The following SHISA9 variants were observed in gnomAD, a reference collection of about 807,000 sequenced individuals.
SHISA9 encodes shisa family member 9.
Under a neutral mutation model 38.0 loss-of-function variants are expected in SHISA9, and 13 were observed. That is an observed-to-expected ratio of 0.34 (90% CI 0.22 to 0.54). The LOEUF is 0.54. Among genes scored for constraint, SHISA9 ranks in the 20% least tolerant of loss-of-function variants. The probability of loss-of-function intolerance (pLI) is 0.91; values close to 1 mark genes in which losing one functional copy is unlikely to be tolerated. For synonymous variants in SHISA9, 275 were observed against 242.0 expected, an observed-to-expected ratio of 1.14 and a Z score of -1.27; for missense variants, 538 against 575.8, an observed-to-expected ratio of 0.93 and a Z score of 0.67.
intron 4 of SHISA9, among the ~76,000 whole-genome samples, chr16:13,221,735 C>T (rs1017527984): frequency 6.6e-6 from 1 of 152,122 alleles, no homozygotes; most frequent in Admixed American, 6.6e-5. Context: ...AATATTAGAA[C>T]ATTTTCCTCA....
At chr16:13,295,493 G>A in the SHISA9 span, among the ~76,000 whole-genome samples, 51 of 152,272 alleles carry the variant, frequency 3.3e-4, no homozygotes, top group African/African-American at 1.2e-3. Context: ...ATCGGCCCAG[G>A]GTATCAGGTA....
chr16:13,103,596 T>G (rs966798696), intron 2 of SHISA9, among the ~76,000 whole-genome samples: 1 of 152,182 alleles, frequency 6.6e-6, no homozygotes, highest in Non-Finnish European at 1.5e-5. Flanking sequence ...TAAGATGAAG[T>G]CACAGTAACA....
chr16:13,355,244 G>T, the SHISA9 span, among the ~76,000 whole-genome samples: 9 of 150,886 alleles, frequency 6.0e-5, no homozygotes, highest in African/African-American at 2.2e-4. Flanking sequence ...GGCTTTAAAA[G>T]GCCATGCTGT....
intron 2 of SHISA9, among the ~76,000 whole-genome samples, chr16:12,985,601 T>C (rs981299030): frequency 6.6e-6 from 1 of 152,170 alleles, no homozygotes; most frequent in Non-Finnish European, 1.5e-5. Context: ...AAAAGTAATG[T>C]TGAGTACCAG....
the SHISA9 span, among the ~76,000 whole-genome samples, chr16:13,485,652 T>C: frequency 6.6e-6 from 1 of 152,240 alleles, no homozygotes; most frequent in Admixed American, 6.5e-5. Context: ...GTTGAGAACA[T>C]TTCAATTCTT....
intron 2 of SHISA9, among the ~76,000 whole-genome samples, chr16:13,000,388 G>T (rs2072508697): frequency 1.3e-5 from 2 of 152,198 alleles, no homozygotes; most frequent in South Asian, 4.1e-4. Flanking sequence ...GTGGTTTTAG[G>T]TGGAGACTAG....
the SHISA9 span, among the ~76,000 whole-genome samples, chr16:13,356,270 A>C: frequency 6.6e-6 from 1 of 152,200 alleles, no homozygotes. Context: ...TTGGGTAATA[A>C]AATGTATTTT....
At chr16:13,298,086 C>T in the SHISA9 span, among the ~76,000 whole-genome samples, 6 of 152,268 alleles carry the variant, frequency 3.9e-5, no homozygotes, top group South Asian at 1.0e-3. Context: ...CTCTTATCTT[C>T]CATGGACCTG....
At chr16:13,519,341 C>A in the SHISA9 span, among the ~76,000 whole-genome samples, 2 of 152,082 alleles carry the variant, frequency 1.3e-5, no homozygotes, top group South Asian at 2.1e-4. Flanking sequence ...ATGGGTAATT[C>A]CACCATGAAC....
At chr16:13,394,725 G>A in the SHISA9 span, among the ~76,000 whole-genome samples, 6 of 152,122 alleles carry the variant, frequency 3.9e-5, no homozygotes, top group Non-Finnish European at 7.3e-5. Context: ...GGACAGTATT[G>A]TGTCACTGCT....
At chr16:13,496,753 A>C in the SHISA9 span, among the ~76,000 whole-genome samples, 11 of 152,186 alleles carry the variant, frequency 7.2e-5, no homozygotes, top group Admixed American at 7.2e-4. Context: ...ATACAAAAAA[A>C]ATCCATGCAG....
In SHISA9 at chr16:13,204,218, A is replaced by G. The variant is rs1020481311; in HGVS notation, c.847+669A>G. 4.3e-3 allele frequency among the ~76,000 whole-genome samples: 628 copies of G among 144,728 alleles called. 1 individual carries two copies. Among genetic ancestry groups the G allele is most frequent in the Middle Eastern group, 7.4e-3 (2 of 272 alleles). The allele number at this position is 144,728 out of a possible 152,430, so 94.9% of individuals were successfully genotyped here. ...CTATTATCTGTCTGTCTGTCTATCTATCTATCTATCTATCTATCTATCTAT... is the reference window on the plus strand; with the variant it reads ...CTATTATCTGTCTGTCTGTCTATCTGTCTATCTATCTATCTATCTATCTAT... On this transcript the variant is annotated intron_variant, in intron 3 of 4. Coordinates refer to ENST00000558583, the MANE Select transcript of SHISA9 (RefSeq NM_001145204.3).
intron 2 of SHISA9, among the ~76,000 whole-genome samples, chr16:13,059,341 A>T (rs550852864): frequency 9.7e-4 from 148 of 152,004 alleles, no homozygotes; most frequent in Non-Finnish European, 1.7e-3. Context: ...GTTAGCCAGG[A>T]TGGTCTCAAT....
chr16:13,341,174 C>T, the SHISA9 span, among the ~76,000 whole-genome samples: 1 of 152,216 alleles, frequency 6.6e-6, no homozygotes, highest in Non-Finnish European at 1.5e-5. Context: ...TCAATAAATA[C>T]TTGCCAAGAA....
the SHISA9 span, among the ~76,000 whole-genome samples, chr16:13,500,614 G>C: frequency 6.6e-6 from 1 of 151,352 alleles, no homozygotes; most frequent in South Asian, 2.1e-4. Flanking sequence ...TGTGGGGGGA[G>C]GCAGAGGGAG....
chr16:13,450,510 A>G, the SHISA9 span, among the ~76,000 whole-genome samples: 1 of 152,228 alleles, frequency 6.6e-6, no homozygotes, highest in Non-Finnish European at 1.5e-5. Flanking sequence ...TTAGCCCTTC[A>G]TCACCCACTG....
chr16:13,183,585 C>A (rs1367570850), intron 2 of SHISA9, among the ~76,000 whole-genome samples: 1 of 152,218 alleles, frequency 6.6e-6, no homozygotes, highest in African/African-American at 2.4e-5. Context: ...AGAAACCGTC[C>A]CTGAATGCTC....
chr16:13,463,189 G>C, the SHISA9 span, among the ~76,000 whole-genome samples: 1 of 152,022 alleles, frequency 6.6e-6, no homozygotes, highest in African/African-American at 2.4e-5. Flanking sequence ...CTGCAGTGTA[G>C]AAAGTTCACT....
intron 2 of SHISA9, among the ~76,000 whole-genome samples, chr16:13,016,890 C>A (rs2072763966): frequency 6.6e-6 from 1 of 152,182 alleles, no homozygotes; most frequent in African/African-American, 2.4e-5. Context: ...TCCTTGTGAG[C>A]ATTCCACGAT....
Sources: allele counts gnomAD v4.1 joint callset (sites outside exome capture counted in the v4.1 genomes callset), GRCh38; gene constraint gnomAD v4.1.1; transcripts MANE v1.5; gene names NCBI Gene and HGNC (gene_info 2026-07-23, HGNC 2026-07-21).